SNTB1: variants seen among roughly 807,000 people sequenced by gnomAD.
SNTB1 encodes beta-1-syntrophin.
SNTB1 carries 36 observed loss-of-function variants against 48.9 expected under a neutral mutation model. The observed-to-expected ratio is 0.74, with a 90% confidence interval of 0.56 to 0.97. The LOEUF is 0.97. Ranked by LOEUF, SNTB1 falls within the 50% of genes least tolerant of loss-of-function variation. The pLI is 0.00. For missense variants in SNTB1, 786 were observed against 703.4 expected (o/e 1.12, Z -1.33); for synonymous variants, 299 against 294.6 (o/e 1.01, Z -0.15).
Position 120,635,966 on chromosome 8 carries a change from T to C in SNTB1, c.789-3315A>G, listed in dbSNP as rs528774091. The C allele has an allele frequency of 2.5e-5, 14 of 569,438 alleles. No homozygotes were observed. The South Asian group carries it at 2.8e-4, about 11-fold the overall frequency. The allele number at this position is 569,438 out of a possible 1,614,324, so 35.3% of individuals were successfully genotyped here. ...TTCTCCAAAGCTTTCAGATATGCCC[T>C]CTCCTTTACTTGCTCCAGAATCCCA... On this transcript the variant is annotated intron_variant, in intron 2 of 6. Coordinates refer to ENST00000517992, the MANE Select transcript of SNTB1 (RefSeq NM_021021.4).
At chr8:120,702,743 T>C (rs192785801) in intron 1 of SNTB1, among the ~76,000 whole-genome samples, 52 of 152,322 alleles carry the variant, frequency 3.4e-4, no homozygotes, top group African/African-American at 1.0e-3. Flanking sequence ...AGTAAAACCA[T>C]AAGGTCCTCA....
chr8:120,772,536 C>T (rs1480358780), intron 1 of SNTB1, among the ~76,000 whole-genome samples: 2 of 152,132 alleles, frequency 1.3e-5, no homozygotes, highest in Non-Finnish European at 2.9e-5. Context: ...TGTGAGCCAC[C>T]ATGCCCAGCC....
chr8:120,796,921 G>T (rs1820128483), intron 1 of SNTB1, among the ~76,000 whole-genome samples: 1 of 151,918 alleles, frequency 6.6e-6, no homozygotes, highest in Non-Finnish European at 1.5e-5. Context: ...AGTATATTTT[G>T]TGTGCATGTT....
intron 2 of SNTB1, among the ~76,000 whole-genome samples, chr8:120,667,475 A>G (rs573738418): frequency 6.6e-6 from 1 of 152,222 alleles, no homozygotes; most frequent in African/African-American, 2.4e-5. Context: ...AATTTCCCAG[A>G]GTCTTAGACT....
At chr8:120,663,930 T>C (rs1817633499) in intron 2 of SNTB1, among the ~76,000 whole-genome samples, 2 of 152,190 alleles carry the variant, frequency 1.3e-5, no homozygotes, top group Non-Finnish European at 2.9e-5. Flanking sequence ...TTAATGCTTG[T>C]ATATTTAGGA....
chr8:120,676,364 T>C (rs1287636452), intron 2 of SNTB1, among the ~76,000 whole-genome samples: 1 of 152,178 alleles, frequency 6.6e-6, no homozygotes, highest in Non-Finnish European at 1.5e-5. Context: ...TTCTGAAAAG[T>C]AGATCTTATT....
Position 120,725,671 on chromosome 8 carries a change from C to T in SNTB1, c.572-31763G>A, listed in dbSNP as rs116197442. ...AGGATTGAAGGAAATGAGTTGGTGG[C>T]AGCAGTATCTACAACAGAGAAAGGA... On this transcript the variant is annotated intron_variant, in intron 1 of 6. Coordinates refer to ENST00000517992, the MANE Select transcript of SNTB1 (RefSeq NM_021021.4). Among the ~76,000 whole-genome samples, 563 of 152,280 alleles carry T rather than the reference C, an allele frequency of 3.7e-3. 4 individuals are homozygous for T. Among genetic ancestry groups the T allele is most frequent in the African/African-American group, 0.013 (537 of 41,560 alleles).
At chr8:120,663,455 C>T (rs1024023462) in intron 2 of SNTB1, among the ~76,000 whole-genome samples, 5 of 152,062 alleles carry the variant, frequency 3.3e-5, no homozygotes, top group South Asian at 2.1e-4. Flanking sequence ...CACAGGCATG[C>T]GCCACCATGC....
At chr8:120,783,746 C>T (rs1479820712) in intron 1 of SNTB1, among the ~76,000 whole-genome samples, 1 of 152,150 alleles carries the variant, frequency 6.6e-6, no homozygotes, top group Non-Finnish European at 1.5e-5. Context: ...CCAGTTGGTC[C>T]TTCCTATCCG....
intron 1 of SNTB1, among the ~76,000 whole-genome samples, chr8:120,739,433 G>C (rs1411209565): frequency 6.6e-6 from 1 of 152,184 alleles, no homozygotes. Context: ...AACACAAAGA[G>C]GTGTTTTTGT....
chr8:120,631,055 G>C (rs1428889891), intron 3 of SNTB1, among the ~76,000 whole-genome samples: 2 of 152,156 alleles, frequency 1.3e-5, no homozygotes, highest in Non-Finnish European at 2.9e-5. Flanking sequence ...CAGAACCCGG[G>C]CATGCTCATT....
intron 2 of SNTB1, among the ~76,000 whole-genome samples, chr8:120,669,892 CTT>C (rs1817731597): frequency 6.6e-6 from 1 of 152,204 alleles, no homozygotes; most frequent in Admixed American, 6.5e-5. Context: ...CTGTAATACA[CTT>C]TGAGTAGCAA....
In SNTB1 at chr8:120,538,655, G is replaced by C. The variant is rs79524197; in HGVS notation, c.*222C>G. On this transcript the variant is annotated 3_prime_UTR_variant, in exon 7 of 7. Coordinates refer to ENST00000517992, the MANE Select transcript of SNTB1 (RefSeq NM_021021.4). ...ACCTCTTTAACCTTGTACTGTTCTA[G>C]AAAGTTTTACTCTGATATTTCTCAT... The C allele has an allele frequency of 6.5e-6, 4 of 613,802 alleles. No individual in the cohort carries two copies. The East Asian group carries it at 1.3e-4, about 21-fold the overall frequency. The allele number at this position is 613,802 out of a possible 1,614,324, so 38.0% of individuals were successfully genotyped here.
chr8:120,606,280 T>C (rs149194548), intron 3 of SNTB1, among the ~76,000 whole-genome samples: 3,416 of 147,876 alleles, frequency 0.023, 63 homozygotes, highest in Non-Finnish European at 0.041. Flanking sequence ...ATTATATAAT[T>C]ATATATAATA....
At chr8:120,721,639 A>T (rs527996482) in intron 1 of SNTB1, among the ~76,000 whole-genome samples, 1 of 152,328 alleles carries the variant, frequency 6.6e-6, no homozygotes, top group South Asian at 2.1e-4. Context: ...TTTTTTATTT[A>T]TGCTAGCTAT....
chr8:120,769,832 G>T (rs1310353049), intron 1 of SNTB1: 1 of 152,238 alleles, frequency 6.6e-6, no homozygotes, highest in Non-Finnish European at 1.5e-5. Context: ...TGAAGCTTTG[G>T]ATGGTTTCCT....
At chr8:120,552,881 A>G (rs1266492012) in intron 4 of SNTB1, among the ~76,000 whole-genome samples, 1 of 152,134 alleles carries the variant, frequency 6.6e-6, no homozygotes, top group Non-Finnish European at 1.5e-5. Flanking sequence ...TTTTACTGCA[A>G]CTAGATGGTC....
chr8:120,739,545 T>C (rs1819008862), intron 1 of SNTB1, among the ~76,000 whole-genome samples: 1 of 152,194 alleles, frequency 6.6e-6, no homozygotes, highest in Non-Finnish European at 1.5e-5. Flanking sequence ...ACTAAAATTA[T>C]CTTTTGTAGA....
Position 120,538,458 on chromosome 8 carries a change from G to C in SNTB1, c.*419C>G. 1 of 260,874 alleles carries C rather than the reference G, an allele frequency of 3.8e-6. No homozygotes were observed. The highest frequency in any genetic ancestry group is 8.1e-5 in the East Asian group (1 of 12,294). 16.2% of individuals were successfully genotyped at this position (260,874 alleles called of 1,614,324 possible). A position where few individuals can be genotyped will look rare whatever the true frequency, so the allele number is the denominator to read the frequency against. ...AAGGGATCACTGTTACTGGGGATAG[G>C]GGGCTAGGAGGAGTAGGTAAGAATG... On this transcript the variant is annotated 3_prime_UTR_variant, in exon 7 of 7. Coordinates refer to ENST00000517992, the MANE Select transcript of SNTB1 (RefSeq NM_021021.4).
Sources: allele counts gnomAD v4.1 joint callset (sites outside exome capture counted in the v4.1 genomes callset), GRCh38; gene constraint gnomAD v4.1.1; transcripts MANE v1.5; gene names NCBI Gene and HGNC (gene_info 2026-07-23, HGNC 2026-07-21).